The following ATP7B variants were observed in gnomAD, a reference collection of about 807,000 sequenced individuals.
ATP7B encodes the protein copper-transporting ATPase 2.
In ATP7B, 113 loss-of-function variants were observed where a neutral mutation model predicts 118.9. The observed-to-expected ratio is 0.95, with a 90% CI of 0.82 to 1.11. The LOEUF (loss-of-function observed/expected upper bound fraction) is 1.11. Among genes scored for constraint, ATP7B ranks in the 50% most tolerant of loss-of-function variants. The probability of loss-of-function intolerance (pLI) is 0.00; values close to 1 mark genes in which losing one functional copy is unlikely to be tolerated. For synonymous variants in ATP7B, 777 were observed against 727.4 expected, an observed-to-expected ratio of 1.07 and a Z score of -1.10; for missense variants, 1,867 against 1,871.4, an observed-to-expected ratio of 1.00 and a Z score of 0.04.
chr13:51,940,518 G>A lies in ATP7B; in HGVS notation c.3556+563C>T, dbSNP rs551557126. Among the ~76,000 whole-genome samples, 17 of 151,904 alleles carry A rather than the reference G, an allele frequency of 1.1e-4. No homozygotes were observed. The East Asian group carries it at 3.4e-3, about 30-fold the overall frequency. ...AATGTAGCTGGGCGTGGTGGCGGGG[G>A]CCTGTAATCCCAGCTACTCAGGAGT... On this transcript the variant is annotated intron_variant, in intron 16 of 20. Coordinates refer to ENST00000242839, the MANE Select transcript of ATP7B (RefSeq NM_000053.4).
At chr13:51,976,791 TACA>T (rs1952139272) in intron 1 of ATP7B, among the ~76,000 whole-genome samples, 1 of 152,096 alleles carries the variant, frequency 6.6e-6, no homozygotes, top group Non-Finnish European at 1.5e-5. Flanking sequence ...ATAGAAAAGG[TACA>T]GTAAAAACAC....
At chr13:51,969,988 G>T (rs1019858094) in intron 3 of ATP7B, among the ~76,000 whole-genome samples, 1 of 152,160 alleles carries the variant, frequency 6.6e-6, no homozygotes, top group Admixed American at 6.5e-5. Flanking sequence ...GAATTTTATT[G>T]TACTTTCAGG....
intron 1 of ATP7B, among the ~76,000 whole-genome samples, chr13:51,980,548 T>C (rs1440147830): frequency 1.3e-5 from 2 of 152,178 alleles, no homozygotes; most frequent in Non-Finnish European, 2.9e-5. Context: ...ACAAAATCTC[T>C]GGATAAGCCA....
In ATP7B at chr13:51,934,226, G is replaced by A. The variant is rs971568660; in HGVS notation, c.*530C>T. On this transcript the variant is annotated 3_prime_UTR_variant, in exon 21 of 21. Coordinates refer to ENST00000242839, the MANE Select transcript of ATP7B (RefSeq NM_000053.4). ...TCCCCACTGACAAGCACACAGGAGA[G>A]AAAAGGAACAGACTATGTACGAAGA... 2 of 212,632 alleles carry A rather than the reference G, an allele frequency of 9.4e-6. No individual in the cohort carries two copies. Among genetic ancestry groups the A allele is most frequent in the African/African-American group, 4.5e-5 (2 of 44,100 alleles). 13.2% of individuals were successfully genotyped at this position (212,632 alleles called of 1,614,324 possible). A position where few individuals can be genotyped will look rare whatever the true frequency, so the allele number is the denominator to read the frequency against.
At position 51,934,665 on chromosome 13, in the gene ATP7B, G is replaced by A. The variant is rs879300021; in HGVS notation, c.*91C>T. 3.4e-5 allele frequency: 53 copies of A among 1,577,802 alleles called. No individual in the cohort carries two copies. Among genetic ancestry groups the A allele is most frequent in the Non-Finnish European group, 4.5e-5 (52 of 1,160,130 alleles). On this transcript the variant is annotated 3_prime_UTR_variant, in exon 21 of 21. Transcript: ENST00000242839. Reference sequence around the variant, plus strand: ...GGGAGCGGAAGTCCCCAAAGCTGGAGGCTAGCTCAGCCCATCCTGCTGCTG... The same window carrying A: ...GGGAGCGGAAGTCCCCAAAGCTGGAAGCTAGCTCAGCCCATCCTGCTGCTG...
At chr13:51,968,767 G>A (rs1266001547) in intron 3 of ATP7B, among the ~76,000 whole-genome samples, 160 bp from the exon 4 acceptor site, 3 of 152,098 alleles carry the variant, frequency 2.0e-5, no homozygotes, top group Non-Finnish European at 2.9e-5. Context: ...AGGCTTGCTT[G>A]GAAAGCCTTC....
In ATP7B at chr13:51,958,313, T is replaced by G. The variant is rs1401316962; in HGVS notation, c.2353A>C (p.Lys785Gln). ...TCTGAACCTGAAGCTGCTGTTACCT[T>G]TGCCAAGTGTTCCAGCCACCGGCCC... ...ALGRWLEHLA[K>Q]SKTSEALAKL... The change falls in exon 8 of 21, where the codon AAG (lysine) becomes CAG (glutamine). Residue 785 changes from lysine to glutamine, a missense_variant and splice_region_variant. Physicochemically the swap from Lys to Gln is moderately conservative, Grantham distance 53. Coordinates refer to ENST00000242839, the MANE Select transcript of ATP7B (RefSeq NM_000053.4). 3.1e-6 allele frequency: 5 copies of G among 1,614,170 alleles called. No homozygotes were observed. Among genetic ancestry groups the G allele is most frequent in the African/African-American group, 1.3e-5 (1 of 75,042 alleles).
At position 51,973,933 on chromosome 13, in the gene ATP7B, A is replaced by T. The variant is rs759749626; in HGVS notation, c.1285+2T>A. On this transcript the variant is annotated splice_donor_variant, in intron 2 of 20. Coordinates refer to ENST00000242839, the MANE Select transcript of ATP7B (RefSeq NM_000053.4). LOFTEE classifies it high-confidence loss of function. ...AGGACATGCCTCAAACACACTACGTACCAGAAACGACTGAAGCCTCAAATC... is the reference window on the plus strand; with the variant it reads ...AGGACATGCCTCAAACACACTACGTTCCAGAAACGACTGAAGCCTCAAATC... 4 of 1,614,146 alleles carry T rather than the reference A, an allele frequency of 2.5e-6. No individual in the cohort carries two copies. The highest frequency in any genetic ancestry group is 3.4e-6 in the Non-Finnish European group (4 of 1,180,058).
intron 1 of ATP7B, chr13:51,995,439 T>C (rs1953157349): frequency 2.9e-6 from 2 of 688,298 alleles, no homozygotes; most frequent in African/African-American, 2.0e-5. Flanking sequence ...CCAGGGCTCT[T>C]CCTAAAGGAC....
intron 12 of ATP7B, among the ~76,000 whole-genome samples, chr13:51,949,019 A>C (rs1332846316): frequency 6.6e-6 from 1 of 152,172 alleles, no homozygotes; most frequent in Non-Finnish European, 1.5e-5. Flanking sequence ...ATCTCTGCTA[A>C]AAATACAAAA....
At position 51,951,091 on chromosome 13, in the gene ATP7B, T is replaced by C. The variant is rs374179451; in HGVS notation, c.2448-692A>G. ...GATCTCTTTGGCTGCTGCATGAGAA[T>C]GGGCTGTAGGGATGATCACAGGAGT... On this transcript the variant is annotated intron_variant, in intron 9 of 20. Coordinates refer to ENST00000242839, the MANE Select transcript of ATP7B (RefSeq NM_000053.4). Among the ~76,000 whole-genome samples the C allele has an allele frequency of 1.2e-4, 18 of 152,014 alleles. No homozygotes were observed. In the East Asian group the frequency reaches 2.3e-3, roughly 20 times the overall value.
At position 51,970,497 on chromosome 13, in the gene ATP7B, T is replaced by G; in HGVS notation, c.1538A>C (p.Glu513Ala). ...CATGGGCGTTCATCTCTTACCAGCTTCTTTCTGCAGATTCCTTTCTATGTT... is the reference window on the plus strand; with the variant it reads ...CATGGGCGTTCATCTCTTACCAGCTGCTTTCTGCAGATTCCTTTCTATGTT... Reference protein sequence around the residue: ...VSNIERNLQKEAGVLSVLVAL... With the variant: ...VSNIERNLQKAAGVLSVLVAL... The change falls in exon 3 of 21, where the codon GAA (glutamate) becomes GCA (alanine). Residue 513 changes from glutamate to alanine, a missense_variant. Glu to Ala is a moderately radical substitution (Grantham distance 107, BLOSUM62 -1). Transcript: ENST00000242839. 1.2e-6 allele frequency: 2 copies of G among 1,614,220 alleles called. No homozygotes were observed. The highest frequency in any genetic ancestry group is 1.7e-6 in the Non-Finnish European group (2 of 1,180,034).
chr13:51,961,031 G>A (rs188634964), intron 6 of ATP7B, among the ~76,000 whole-genome samples: 3 of 152,034 alleles, frequency 2.0e-5, no homozygotes, highest in East Asian at 3.9e-4. Flanking sequence ...TGCCTCTCCC[G>A]TAAGCTCCTC....
intron 1 of ATP7B, among the ~76,000 whole-genome samples, chr13:51,986,304 A>G (rs1164228271): frequency 6.6e-6 from 1 of 152,258 alleles, no homozygotes. Flanking sequence ...CAAATGAACT[A>G]GAAAATCTAG....
Position 51,974,517 on chromosome 13 carries a change from G to C in ATP7B, c.703C>G (p.Pro235Ala), listed in dbSNP as rs2140092373. The change falls in exon 2 of 21, where the codon CCT (proline) becomes GCT (alanine). Residue 235 changes from proline (P) to alanine (A), a missense_variant. Physicochemically the swap from Pro to Ala is conservative, Grantham distance 27. Coordinates refer to ENST00000242839, the MANE Select transcript of ATP7B (RefSeq NM_000053.4). ...ERLQSTNPKR[P>A]LSSANQNFNN... ...AAATTCTGGTTAGCAGAAGATAAAG[G>C]TCTCTTTGGGTTAGTGCTTTGTAAC... 1.2e-6 allele frequency: 2 copies of C among 1,614,154 alleles called. No homozygotes were observed. Among genetic ancestry groups the C allele is most frequent in the Non-Finnish European group, 1.7e-6 (2 of 1,180,036 alleles).
intron 7 of ATP7B, chr13:51,959,777 G>A (rs1429495334): frequency 3.1e-6 from 1 of 325,148 alleles, no homozygotes; most frequent in African/African-American, 2.1e-5. Context: ...TGGGCTCAAG[G>A]GTGATCCAGT....
Position 51,970,749 on chromosome 13 carries a change from T to A in ATP7B, c.1286A>T (p.Glu429Val), listed in dbSNP as rs1396197644. 6.2e-7 allele frequency: 1 copy of A among 1,613,558 alleles called. No individual in the cohort carries two copies. Among genetic ancestry groups the A allele is most frequent in the Non-Finnish European group, 8.5e-7 (1 of 1,179,648 alleles). ...DMGFEASVVSESCSTNPLGNH... is the reference protein window; with the variant it reads ...DMGFEASVVSVSCSTNPLGNH... ...TCCAAGAGGGTTAGTAGAACAGCTT[T>A]CTAGGATAAAATGTCAGAAAATATT... Residue 429 changes from glutamate to valine, a missense_variant and splice_region_variant, in exon 3 of 21, where the codon GAA becomes GTA. Coordinates refer to ENST00000242839, the MANE Select transcript of ATP7B (RefSeq NM_000053.4).
At chr13:51,942,228 A>G (rs1762657362) in intron 15 of ATP7B, among the ~76,000 whole-genome samples, 158 bp downstream of exon 15, 1 of 152,206 alleles carries the variant, frequency 6.6e-6, no homozygotes, top group South Asian at 2.1e-4. Context: ...ACCCAAGAAC[A>G]TAAGAGAAAC....
chr13:51,957,323 C>T (rs2139487576), intron 9 of ATP7B, among the ~76,000 whole-genome samples, 193 bp downstream of exon 9: 1 of 152,332 alleles, frequency 6.6e-6, no homozygotes, highest in South Asian at 2.1e-4. Flanking sequence ...CGCACACACA[C>T]ACCACCTACA....
Sources: allele counts gnomAD v4.1 joint callset (sites outside exome capture counted in the v4.1 genomes callset), GRCh38; gene constraint gnomAD v4.1.1; transcripts MANE v1.5; gene names NCBI Gene and HGNC (gene_info 2026-07-23, HGNC 2026-07-21).